Variants in ZMYND8 observed in about 807,000 individuals in gnomAD.
The protein encoded by ZMYND8 is zinc finger MYND-type containing 8.
Under a neutral mutation model 140.8 loss-of-function variants are expected in ZMYND8, and 37 were observed. The observed-to-expected ratio is 0.26, with a 90% CI of 0.20 to 0.35. ZMYND8 has a LOEUF of 0.35. Among genes scored for constraint, ZMYND8 ranks in the 10% least tolerant of loss-of-function variants. ZMYND8 has a pLI of 1.00. For missense variants in ZMYND8, 1,068 were observed against 1,570.0 expected, an observed-to-expected ratio of 0.68 and a Z score of 5.40; for synonymous variants, 592 against 597.1, an observed-to-expected ratio of 0.99 and a Z score of 0.12.
At chr20:47,335,361 G>T (rs1223200109) in intron 2 of ZMYND8, among the ~76,000 whole-genome samples, 1 of 151,972 alleles carries the variant, frequency 6.6e-6, no homozygotes, top group Non-Finnish European at 1.5e-5. Flanking sequence ...GGAAAGCCCA[G>T]GATAGGTGAG....
At chr20:47,321,116 GA>G (rs1449715463) in intron 2 of ZMYND8, among the ~76,000 whole-genome samples, 1 of 152,174 alleles carries the variant, frequency 6.6e-6, no homozygotes, top group East Asian at 1.9e-4. Context: ...CATATTTAAC[GA>G]AGGTATTTAT....
chr20:47,324,360 A>G (rs994329023), intron 2 of ZMYND8, among the ~76,000 whole-genome samples: 1 of 151,804 alleles, frequency 6.6e-6, no homozygotes, highest in African/African-American at 2.4e-5. Context: ...CTACTAAAAA[A>G]TACAAAAAAT....
At position 47,236,407 on chromosome 20, in the gene ZMYND8, A is replaced by G. The variant is rs2039242920; in HGVS notation, c.2775T>C (p.Leu925=). 1.2e-6 allele frequency: 2 copies of G among 1,614,214 alleles called. No individual in the cohort carries two copies. Among genetic ancestry groups the G allele is most frequent in the Non-Finnish European group, 8.5e-7 (1 of 1,180,048 alleles). The stretch of plus-strand genomic sequence containing the variant: ...GCAGGTCAGCGTTGACTGAGGACAC[A>G]AGGGTGCTCATGGACCCCGAGCTGG... The part of the protein sequence containing the change: ...LVTSSGSMST[L]VSSVNADLPI... Residue 925 remains leucine, a synonymous_variant, in exon 16 of 23, where the codon CTT becomes CTC. Coordinates refer to ENST00000471951, the MANE Select transcript of ZMYND8 (RefSeq NM_001281775.3).
intron 4 of ZMYND8, among the ~76,000 whole-genome samples, chr20:47,295,187 G>A (rs1286925652): frequency 6.6e-6 from 1 of 152,176 alleles, no homozygotes; most frequent in Non-Finnish European, 1.5e-5. Context: ...GAGCCCCAGT[G>A]TTGGAGACCA....
At chr20:47,307,108 T>A (rs2078549173) in intron 3 of ZMYND8, among the ~76,000 whole-genome samples, 1 of 152,056 alleles carries the variant, frequency 6.6e-6, no homozygotes, top group South Asian at 2.1e-4. Context: ...TGAGAGGTGA[T>A]CAGGGCCCTG....
chr20:47,212,079 C>T (rs972816344), intron 22 of ZMYND8, among the ~76,000 whole-genome samples: 5 of 152,296 alleles, frequency 3.3e-5, no homozygotes, highest in African/African-American at 9.6e-5. Flanking sequence ...TTCCCTTAGC[C>T]GCCATGCCTA....
At chr20:47,325,391 G>C (rs1201443700) in intron 2 of ZMYND8, among the ~76,000 whole-genome samples, 1 of 152,124 alleles carries the variant, frequency 6.6e-6, no homozygotes, top group African/African-American at 2.4e-5. Flanking sequence ...CTGAGCGACT[G>C]TACAGGGTTA....
intron 3 of ZMYND8, among the ~76,000 whole-genome samples, chr20:47,300,616 T>C (rs2148076843): frequency 6.6e-6 from 1 of 152,366 alleles, no homozygotes; most frequent in East Asian, 1.9e-4. Context: ...TCATATACTT[T>C]AACACGACTT....
intron 19 of ZMYND8, among the ~76,000 whole-genome samples, chr20:47,222,307 G>A (rs939728540): frequency 1.3e-4 from 20 of 152,264 alleles, no homozygotes; most frequent in Middle Eastern, 3.4e-3. Context: ...AGGCTGAGGC[G>A]GGCAGATCAC....
intron 10 of ZMYND8, among the ~76,000 whole-genome samples, chr20:47,281,211 T>C (rs1410017418): frequency 6.6e-6 from 1 of 152,232 alleles, no homozygotes; most frequent in Non-Finnish European, 1.5e-5. Context: ...AGTGGACCAT[T>C]GGGATTCCTA....
chr20:47,285,830 G>C (rs1010117165), intron 8 of ZMYND8: 2 of 983,734 alleles, frequency 2.0e-6, no homozygotes, highest in East Asian at 2.3e-4. Context: ...TAATTACCTA[G>C]GAAACAGAGA....
intron 3 of ZMYND8, among the ~76,000 whole-genome samples, chr20:47,303,454 A>C (rs1037161646): frequency 1.3e-4 from 20 of 152,196 alleles, no homozygotes; most frequent in Admixed American, 1.2e-3. Flanking sequence ...ACAGTGGCTC[A>C]CGCCTGTAAT....
chr20:47,319,480 T>C (rs1316625534), intron 2 of ZMYND8: 1 of 191,116 alleles, frequency 5.2e-6, no homozygotes, highest in South Asian at 8.8e-5. Flanking sequence ...CTCCTAGAAA[T>C]GAGAAAACCC....
intron 2 of ZMYND8, among the ~76,000 whole-genome samples, chr20:47,329,361 G>A (rs1050034853): frequency 6.6e-6 from 1 of 152,176 alleles, no homozygotes; most frequent in Admixed American, 6.5e-5. Context: ...TCAGACACTT[G>A]ACACGTGGCC....
intron 4 of ZMYND8, among the ~76,000 whole-genome samples, chr20:47,297,869 T>C (rs2077744063): frequency 1.3e-5 from 2 of 152,224 alleles, no homozygotes; most frequent in African/African-American, 2.4e-5. Flanking sequence ...ACCCTAATAG[T>C]TGGCTTAATA....
chr20:47,223,368 T>C (rs1173561848), intron 19 of ZMYND8, among the ~76,000 whole-genome samples: 3 of 151,042 alleles, frequency 2.0e-5, no homozygotes, highest in African/African-American at 7.3e-5. Flanking sequence ...TAGCTGCGCA[T>C]GGTGATGTGT....
At chr20:47,237,082 A>C (rs1355453834) in intron 15 of ZMYND8, among the ~76,000 whole-genome samples, 1 of 151,534 alleles carries the variant, frequency 6.6e-6, no homozygotes, top group Non-Finnish European at 1.5e-5. Context: ...ATTGGTCTTT[A>C]CCCCTTTAAC....
At chr20:47,281,977 G>T (rs1037898931) in intron 10 of ZMYND8, 125 bp downstream of exon 10, 11 of 816,426 alleles carry the variant, frequency 1.3e-5, no homozygotes, top group Middle Eastern at 2.4e-4. Context: ...TCAACAACAA[G>T]ATCAATGGTT....
rs981616730 is a variant in ZMYND8 at position 47,209,668 on chromosome 20, C to T, written c.*1093G>A. On this transcript the variant is annotated 3_prime_UTR_variant, in exon 23 of 23. Transcript: ENST00000471951. ...TTAATTTTCTCATATACATACATCA[C>T]CTTTTGCTTTTTCATCAATGCTTTT... 1.3e-5 allele frequency: 2 copies of T among 152,606 alleles called. No homozygotes were observed. Among genetic ancestry groups the T allele is most frequent in the African/African-American group, 4.8e-5 (2 of 41,432 alleles). 9.5% of individuals were successfully genotyped at this position (152,606 alleles called of 1,614,324 possible). A position where few individuals can be genotyped will look rare whatever the true frequency, so the allele number is the denominator to read the frequency against.
Sources: gnomAD v4.1 joint callset for allele counts (sites outside exome capture counted in the v4.1 genomes callset) on GRCh38, gnomAD v4.1.1 for gene constraint, MANE v1.5 for transcripts, NCBI Gene and HGNC (gene_info 2026-07-23, HGNC 2026-07-21) for gene names.